Variants in ELN observed in about 807,000 individuals in gnomAD.
ELN encodes tropoelastin.
ELN carries 65 observed loss-of-function variants against 105.8 expected under a neutral mutation model. That is an observed-to-expected ratio of 0.61 (90% CI 0.50 to 0.75). The LOEUF (loss-of-function observed/expected upper bound fraction) is 0.75, where lower values mean the gene tolerates loss of function less well. Ranked by LOEUF, ELN falls within the 30% of genes least tolerant of loss-of-function variation. The pLI is 0.00. For synonymous variants in ELN, 368 were observed against 389.2 expected, an observed-to-expected ratio of 0.95 and a Z score of 0.64; for missense variants, 882 against 969.4, an observed-to-expected ratio of 0.91 and a Z score of 1.20.
rs1554688639 is a variant in ELN, at chr7:74,065,682, T to C, written c.1994-12T>C. On this transcript the variant is annotated splice_polypyrimidine_tract_variant and intron_variant, in intron 29 of 32. Transcript: ENST00000252034. ...TGGCATTCCTGAGCCGTCATGTGCC[T>C]CATCTCCCCAGGTATACCTCCAGCT... 1.9e-6 allele frequency: 3 copies of C among 1,610,212 alleles called. No individual in the cohort carries two copies. Among genetic ancestry groups the C allele is most frequent in the Non-Finnish European group, 2.5e-6 (3 of 1,179,240 alleles).
chr7:74,061,268 G>A (rs1402579770), intron 26 of ELN, 129 bp downstream of exon 26: 59 of 1,200,448 alleles, frequency 4.9e-5, no homozygotes, highest in Non-Finnish European at 5.1e-5. Context: ...TGTAATCCCA[G>A]CACTTTGGGA....
intron 1 of ELN, among the ~76,000 whole-genome samples, chr7:74,035,096 G>A (rs149755162): frequency 5.3e-5 from 8 of 152,302 alleles, no homozygotes; most frequent in Admixed American, 1.3e-4. Flanking sequence ...CCAAGACTCC[G>A]TCTCAGTCTC....
intron 31 of ELN, among the ~76,000 whole-genome samples, chr7:74,066,433 G>C (rs1325423926): frequency 1.3e-5 from 2 of 152,140 alleles, no homozygotes; most frequent in African/African-American, 4.8e-5. Context: ...AGCCAAACGT[G>C]GTGGACGCCT....
In ELN at chr7:74,042,689, A is replaced by G; in HGVS notation, c.308A>G (p.Tyr103Cys). 6.2e-7 allele frequency: 1 copy of G among 1,613,226 alleles called. No individual in the cohort carries two copies. The highest frequency in any genetic ancestry group is 8.5e-7 in the Non-Finnish European group (1 of 1,179,990). ...PGGVADAAAA[Y>C]KAAKAGAGLG... ...GGAGTGGCTGACGCTGCTGCAGCCT[A>G]TAAAGCTGCTAAGGCTGGTGAGTGG... is the stretch of plus-strand genomic sequence containing the variant. The change falls in exon 6 of 33, where the codon TAT becomes TGT. Residue 103 changes from tyrosine to cysteine, a missense_variant. By Grantham distance (194) the Tyr-to-Cys change is radical. Transcript: ENST00000252034.
intron 15 of ELN, 98 bp downstream of exon 15, chr7:74,048,654 A>C (rs2131678581): frequency 7.0e-7 from 1 of 1,428,730 alleles, no homozygotes. Context: ...GCCCCTACAT[A>C]CCCCCATTTA....
chr7:74,042,744 GGCTTCCGTGGGGCCCTCC>G, intron 6 of ELN, 38 bp downstream of exon 6: 1 of 1,606,538 alleles, frequency 6.2e-7, no homozygotes, highest in Non-Finnish European at 8.5e-7. Context: ...CAAGCCCTCT[GGCTTCCGTGGGGCCCTCC>G]GCTTTGCAAA....
intron 3 of ELN, among the ~76,000 whole-genome samples, chr7:74,037,257 G>A (rs550680327): frequency 3.3e-5 from 5 of 151,042 alleles, no homozygotes; most frequent in South Asian, 2.1e-4. Flanking sequence ...GCAGTGGCGC[G>A]ATCTCAGCTC....
intron 17 of ELN, 76 bp from the exon 18 acceptor site, chr7:74,053,087 C>G: frequency 6.2e-7 from 1 of 1,608,950 alleles, no homozygotes; most frequent in African/African-American, 1.3e-5. Flanking sequence ...ACTGTCACTT[C>G]CATACTCTAC....
rs782348158 is a variant in ELN, at chr7:74,063,635, G to A, written c.1933G>A (p.Ala645Thr). ...KAAQFGLVGA[A>T]GLGGLGVGGL... ...TGTCTCCACAGGCCTAGTGGGAGCC[G>A]CTGGGCTCGGAGGACTCGGAGTCGG... Residue 645 changes from alanine (A) to threonine (T), a missense_variant, in exon 29 of 33, where the codon GCT (alanine) becomes ACT (threonine). By Grantham distance (58) the Ala-to-Thr change is moderately conservative. Coordinates refer to ENST00000252034, the MANE Select transcript of ELN (RefSeq NM_000501.4). The surrounding 1 kb of genome is among the most constrained non-coding windows in gnomAD (Gnocchi z 4.1). The A allele has an allele frequency of 5.0e-6, 8 of 1,614,212 alleles. No homozygotes were observed. Among genetic ancestry groups the A allele is most frequent in the East Asian group, 2.2e-5 (1 of 44,894 alleles).
intron 22 of ELN, among the ~76,000 whole-genome samples, chr7:74,058,056 CCTT>C (rs569093979): frequency 2.2e-4 from 34 of 151,268 alleles, no homozygotes; most frequent in East Asian, 1.2e-3. Flanking sequence ...TGCTCCTCTT[CCTT>C]CTTCTTCTTC....
At chr7:74,055,008 C>T (rs548736282) in intron 19 of ELN, among the ~76,000 whole-genome samples, 1 of 152,268 alleles carries the variant, frequency 6.6e-6, no homozygotes, top group Non-Finnish European at 1.5e-5. Context: ...CCTGAGCTTC[C>T]CTGCTCTGGC....
intron 22 of ELN, among the ~76,000 whole-genome samples, chr7:74,058,207 CCTT>C (rs782280024): frequency 5.1e-4 from 77 of 149,694 alleles, no homozygotes; most frequent in Non-Finnish European, 8.9e-4. Flanking sequence ...CCTTTCTTCT[CCTT>C]CTTCTTCTTT....
At chr7:74,066,088 A>G (rs1797883763) in intron 31 of ELN, 91 bp downstream of exon 31, 2 of 1,575,432 alleles carry the variant, frequency 1.3e-6, no homozygotes, top group East Asian at 2.2e-5. Context: ...CCCAGAGCCC[A>G]TGTCCACACA....
intron 1 of ELN, among the ~76,000 whole-genome samples, chr7:74,028,625 A>T (rs1787967990): frequency 6.6e-6 from 1 of 152,112 alleles, no homozygotes; most frequent in South Asian, 2.1e-4. Context: ...TGGAGACACC[A>T]CAGTCTGCAC....
chr7:74,059,049 T>C (rs1449407480), intron 22 of ELN, among the ~76,000 whole-genome samples: 4 of 151,620 alleles, frequency 2.6e-5, no homozygotes, highest in African/African-American at 9.7e-5. Flanking sequence ...GTATCCCTAG[T>C]AGCTGGGGCT....
chr7:74,032,320 A>G (rs1554662873), intron 1 of ELN, among the ~76,000 whole-genome samples: 1 of 152,178 alleles, frequency 6.6e-6, no homozygotes. Context: ...GGCAGGCGGG[A>G]GAGTCTGAGC....
At chr7:74,056,159 A>G in intron 19 of ELN, 112 bp from the exon 20 acceptor site, 1 of 1,435,766 alleles carries the variant, frequency 7.0e-7, no homozygotes, top group South Asian at 1.1e-5. Flanking sequence ...TCTTTTATGG[A>G]CAAGGCCTGG....
At chr7:74,065,790 G>T (rs1797809810) in intron 30 of ELN, 58 bp downstream of exon 30, 1 of 1,612,070 alleles carries the variant, frequency 6.2e-7, no homozygotes, top group Non-Finnish European at 8.5e-7. Flanking sequence ...CATGCCCATC[G>T]CCACCCTCCC....
chr7:74,064,710 C>A (rs1246930598), intron 29 of ELN, among the ~76,000 whole-genome samples: 1 of 152,214 alleles, frequency 6.6e-6, no homozygotes, highest in Non-Finnish European at 1.5e-5. Context: ...TCTCTTTCAA[C>A]CCACCTGACC....
Sources: gnomAD v4.1 joint callset for allele counts (sites outside exome capture counted in the v4.1 genomes callset) on GRCh38, gnomAD v4.1.1 for gene constraint, Gnocchi (gnomAD v3.1) non-coding constraint, MANE v1.5 for transcripts, NCBI Gene and HGNC (gene_info 2026-07-23, HGNC 2026-07-21) for gene names.